The following GRID2 variants were observed in gnomAD, a reference collection of about 807,000 sequenced individuals.
GRID2 encodes the protein glutamate ionotropic receptor delta type subunit 2.
In GRID2, 33 loss-of-function variants were observed where a neutral mutation model predicts 114.8. That is an observed-to-expected ratio of 0.29 (90% confidence interval 0.22 to 0.38). GRID2 has a LOEUF of 0.38. Among genes scored for constraint, GRID2 ranks in the 10% least tolerant of loss-of-function variants. GRID2 has a pLI of 1.00. For synonymous variants in GRID2, 505 were observed against 449.9 expected, an observed-to-expected ratio of 1.12 and a Z score of -1.55; for missense variants, 1,184 against 1,257.7, an observed-to-expected ratio of 0.94 and a Z score of 0.89.
intron 2 of GRID2, among the ~76,000 whole-genome samples, chr4:92,607,095 T>C (rs1246266724): frequency 1.3e-5 from 2 of 151,972 alleles, no homozygotes; most frequent in Non-Finnish European, 2.9e-5. Flanking sequence ...ACTTACTCAT[T>C]TATGCCTGGT....
At chr4:93,239,580 T>G (rs969310254) in intron 8 of GRID2, among the ~76,000 whole-genome samples, 3 of 151,570 alleles carry the variant, frequency 2.0e-5, no homozygotes, top group African/African-American at 7.2e-5. Context: ...CTAATATGGA[T>G]GAAACTATCT....
At chr4:92,454,426 T>G (rs957688866) in intron 1 of GRID2, among the ~76,000 whole-genome samples, 1 of 152,212 alleles carries the variant, frequency 6.6e-6, no homozygotes, top group Admixed American at 6.5e-5. Flanking sequence ...AAATACAGTT[T>G]TATTGATCAA....
rs1426629175 is a variant in GRID2, at chr4:92,541,098, A to T, written c.89-49033A>T. 9.2e-5 allele frequency among the ~76,000 whole-genome samples: 14 copies of T among 152,176 alleles called. No homozygotes were observed. The East Asian group carries it at 2.1e-3, about 23-fold the overall frequency. Reference sequence around the variant, plus strand: ...CATAGGTGGGAATTGAACAATGAGAACACATGGACACAGGAAGGAGAACAT... The same window carrying T: ...CATAGGTGGGAATTGAACAATGAGATCACATGGACACAGGAAGGAGAACAT... On this transcript the variant is annotated intron_variant, in intron 1 of 15. Coordinates refer to ENST00000282020, the MANE Select transcript of GRID2 (RefSeq NM_001510.4).
chr4:93,025,134 G>A (rs1288125391), intron 2 of GRID2, among the ~76,000 whole-genome samples: 1 of 151,228 alleles, frequency 6.6e-6, no homozygotes, highest in African/African-American at 2.4e-5. Flanking sequence ...AAGGGAGGGA[G>A]AGAGGTAAAG....
chr4:93,061,362 T>G lies in GRID2; in HGVS notation c.245-23633T>G, dbSNP rs1370442246. Among the ~76,000 whole-genome samples, 8 of 151,980 alleles carry G rather than the reference T, an allele frequency of 5.3e-5. No homozygotes were observed. In the South Asian group the frequency reaches 1.7e-3, roughly 32 times the overall value. ...TCTTATTTGGGGACCAGCGGCTAGA[T>G]AGAACATGCTTTTCTGATAGATAGT... On this transcript the variant is annotated intron_variant, in intron 2 of 15. Coordinates refer to ENST00000282020, the MANE Select transcript of GRID2 (RefSeq NM_001510.4).
At chr4:92,813,759 T>A (rs928690665) in intron 2 of GRID2, among the ~76,000 whole-genome samples, 2 of 152,058 alleles carry the variant, frequency 1.3e-5, no homozygotes, top group African/African-American at 4.8e-5. Flanking sequence ...TGTCCACAGA[T>A]AAAGTATCTA....
At chr4:92,712,803 A>T (rs1266633919) in intron 2 of GRID2, among the ~76,000 whole-genome samples, 2 of 152,110 alleles carry the variant, frequency 1.3e-5, no homozygotes, top group African/African-American at 4.8e-5. Flanking sequence ...GTATACAAAT[A>T]GATTATTTAG....
intron 8 of GRID2, among the ~76,000 whole-genome samples, chr4:93,361,897 C>T (rs1038608807): frequency 1.3e-5 from 2 of 152,034 alleles, no homozygotes; most frequent in Non-Finnish European, 2.9e-5. Flanking sequence ...CATAGGTAAA[C>T]GTGTGCTATG....
chr4:93,673,126 A>G (rs1252553707), intron 14 of GRID2, among the ~76,000 whole-genome samples: 1 of 152,214 alleles, frequency 6.6e-6, no homozygotes, highest in Admixed American at 6.5e-5. Context: ...AATAGCAGCA[A>G]CATCCACCTA....
At chr4:92,757,861 G>GT (rs200077924) in intron 2 of GRID2, among the ~76,000 whole-genome samples, 3,446 of 151,796 alleles carry the variant, frequency 0.023, 93 homozygotes, top group East Asian at 0.12. Flanking sequence ...AAAAAAAAAG[G>GT]TTTATACATT....
chr4:92,504,336 G>T (rs905548719), intron 1 of GRID2, among the ~76,000 whole-genome samples: 1 of 152,000 alleles, frequency 6.6e-6, no homozygotes, highest in Non-Finnish European at 1.5e-5. Context: ...CCTCTGTGTG[G>T]TAGGGAATAT....
intron 11 of GRID2, among the ~76,000 whole-genome samples, chr4:93,470,347 A>C (rs1416768556): frequency 6.6e-6 from 1 of 152,116 alleles, no homozygotes; most frequent in African/African-American, 2.4e-5. Flanking sequence ...TTTAACATGC[A>C]TTTACCCCCA....
At chr4:92,773,034 T>G (rs562759736) in intron 2 of GRID2, among the ~76,000 whole-genome samples, 5 of 152,330 alleles carry the variant, frequency 3.3e-5, no homozygotes, top group African/African-American at 1.2e-4. Flanking sequence ...ATTTGTATTA[T>G]CTGCCATAGG....
intron 2 of GRID2, among the ~76,000 whole-genome samples, chr4:92,600,058 A>AC (rs1560481983): frequency 2.5e-5 from 3 of 120,920 alleles, no homozygotes; most frequent in Non-Finnish European, 5.1e-5. Flanking sequence ...ATATATATAT[A>AC]TATATATATA....
intron 12 of GRID2, among the ~76,000 whole-genome samples, chr4:93,506,713 T>G (rs1028028454): frequency 1.3e-5 from 2 of 152,148 alleles, no homozygotes; most frequent in South Asian, 4.1e-4. Context: ...GTTCCTCCTA[T>G]GGCACCCTCT....
intron 2 of GRID2, among the ~76,000 whole-genome samples, chr4:93,033,580 C>G (rs908216845): frequency 6.6e-6 from 1 of 152,144 alleles, no homozygotes; most frequent in Admixed American, 6.6e-5. Flanking sequence ...GCTATATTAA[C>G]CAAAATCTTT....
At chr4:93,778,456 G>A (rs923215987), downstream of GRID2, among the ~76,000 whole-genome samples, 1 of 146,268 alleles carries the variant, frequency 6.8e-6, no homozygotes, top group African/African-American at 2.5e-5. Flanking sequence ...GAATGCAGTG[G>A]CACGATCTCG....
At chr4:92,719,531 G>A (rs1735711624) in intron 2 of GRID2, among the ~76,000 whole-genome samples, 1 of 152,068 alleles carries the variant, frequency 6.6e-6, no homozygotes, top group Non-Finnish European at 1.5e-5. Flanking sequence ...TTGCTTAATA[G>A]CAACTATTTC....
At chr4:92,935,287 C>A (rs1204984639) in intron 2 of GRID2, among the ~76,000 whole-genome samples, 1 of 147,242 alleles carries the variant, frequency 6.8e-6, no homozygotes, top group Non-Finnish European at 1.5e-5. Context: ...TGAAAAAAGG[C>A]TCACTATCAC....
Sources: allele counts gnomAD v4.1 joint callset (sites outside exome capture counted in the v4.1 genomes callset), GRCh38; gene constraint gnomAD v4.1.1; transcripts MANE v1.5; gene names NCBI Gene and HGNC (gene_info 2026-07-23, HGNC 2026-07-21).